The following DPP6 variants were observed in gnomAD, a reference collection of about 807,000 sequenced individuals.
DPP6 encodes dipeptidyl peptidase like 6, also known as A-type potassium channel modulatory protein DPP6.
A neutral mutation model predicts 122.6 loss-of-function variants in DPP6; 69 were observed. That is an observed-to-expected ratio of 0.56 (90% CI 0.46 to 0.69). DPP6 has a LOEUF of 0.69. Among genes scored for constraint, DPP6 ranks in the 30% least tolerant of loss-of-function variants. The probability of loss-of-function intolerance (pLI) is 0.00; values close to 1 mark genes in which losing one functional copy is unlikely to be tolerated. For missense variants in DPP6, 928 were observed against 1,116.9 expected, an observed-to-expected ratio of 0.83 and a Z score of 2.41; for synonymous variants, 418 against 433.1, an observed-to-expected ratio of 0.97 and a Z score of 0.43.
chr7:153,859,354 G>A, the DPP6 span, among the ~76,000 whole-genome samples: 12 of 152,276 alleles, frequency 7.9e-5, no homozygotes, highest in Non-Finnish European at 1.5e-4. Context: ...AGCTGGAGTC[G>A]GGAGGCTGGC....
At chr7:154,155,825 C>G (rs1304470547) in intron 1 of DPP6, among the ~76,000 whole-genome samples, 2 of 152,204 alleles carry the variant, frequency 1.3e-5, no homozygotes, top group African/African-American at 2.4e-5. Context: ...AACCTCAGCT[C>G]TCAGCCTCTG....
At chr7:154,376,910 T>C (rs1813176288) in intron 1 of DPP6, among the ~76,000 whole-genome samples, 1 of 152,216 alleles carries the variant, frequency 6.6e-6, no homozygotes, top group African/African-American at 2.4e-5. Context: ...TTTCCCAGCA[T>C]TTGGCTCTTG....
chr7:154,375,348 G>A lies in DPP6; in HGVS notation c.244-70866G>A, dbSNP rs141151311. ...AGGGGATGTTGGCCCGGGTGGAGGG[G>A]TAGGAAATGGAGTGAGGCAGGACCC... On this transcript the variant is annotated intron_variant, in intron 1 of 25. Transcript: ENST00000377770. 2.7e-3 allele frequency among the ~76,000 whole-genome samples: 411 copies of A among 152,238 alleles called. 1 individual carries two copies. Among genetic ancestry groups the A allele is most frequent in the Middle Eastern group, 6.8e-3 (2 of 294 alleles).
intron 1 of DPP6, among the ~76,000 whole-genome samples, chr7:154,043,494 G>C (rs1327144809): frequency 1.4e-5 from 2 of 138,630 alleles, no homozygotes; most frequent in Admixed American, 1.5e-4. Context: ...CCGAGGATCA[G>C]TATTATAACC....
At chr7:154,815,084 T>C (rs953082195) in intron 16 of DPP6, among the ~76,000 whole-genome samples, 2 of 152,200 alleles carry the variant, frequency 1.3e-5, no homozygotes, top group African/African-American at 4.8e-5. Flanking sequence ...TGCCTTCTTA[T>C]ATAAGAAAGA....
chr7:154,811,715 T>C (rs1204219854), intron 16 of DPP6, among the ~76,000 whole-genome samples: 2 of 152,234 alleles, frequency 1.3e-5, no homozygotes, highest in African/African-American at 4.8e-5. Flanking sequence ...TCAGTAGATA[T>C]TAAAATGGAC....
chr7:154,033,848 GTT>G (rs60726989), intron 1 of DPP6, among the ~76,000 whole-genome samples: 1 of 151,390 alleles, frequency 6.6e-6, no homozygotes, highest in South Asian at 2.1e-4. Context: ...AAGAACAAGT[GTT>G]TTTTTCTTAC....
chr7:154,124,333 G>A (rs1396846413), intron 1 of DPP6, among the ~76,000 whole-genome samples: 1 of 152,166 alleles, frequency 6.6e-6, no homozygotes, highest in Non-Finnish European at 1.5e-5. Context: ...AATGGGTGGA[G>A]AGCGGGAGCA....
chr7:154,600,517 C>T (rs1833367332), intron 5 of DPP6, among the ~76,000 whole-genome samples: 1 of 120,608 alleles, frequency 8.3e-6, no homozygotes, highest in Non-Finnish European at 1.9e-5. Context: ...GTGCCAGGCA[C>T]CATGTCAAAA....
chr7:153,933,431 A>G (rs1801268898), intron 1 of DPP6, among the ~76,000 whole-genome samples: 1 of 152,190 alleles, frequency 6.6e-6, no homozygotes, highest in South Asian at 2.1e-4. Flanking sequence ...GTTTATTTAT[A>G]ATAACTAGAA....
At chr7:153,811,402 A>G in the DPP6 span, among the ~76,000 whole-genome samples, 3 of 152,150 alleles carry the variant, frequency 2.0e-5, no homozygotes, top group Admixed American at 1.3e-4. Flanking sequence ...AGGCAGCCCA[A>G]TGAGAATTGG....
chr7:154,824,051 G>A (rs745498251), intron 16 of DPP6, among the ~76,000 whole-genome samples: 3 of 152,198 alleles, frequency 2.0e-5, no homozygotes, highest in Non-Finnish European at 4.4e-5. Flanking sequence ...TCAAGACAAA[G>A]TCAATTCCAT....
intron 8 of DPP6, among the ~76,000 whole-genome samples, chr7:154,757,930 G>T (rs2131497253): frequency 6.6e-6 from 1 of 152,298 alleles, no homozygotes; most frequent in Admixed American, 6.5e-5. Flanking sequence ...AGCCCAAGGA[G>T]GGGGTGCCTG....
chr7:154,892,935 C>T lies in DPP6; in HGVS notation c.*455C>T, dbSNP rs1195214936. 1 of 521,626 alleles carries T rather than the reference C, an allele frequency of 1.9e-6. No homozygotes were observed. The highest frequency in any genetic ancestry group is 1.9e-5 in the Admixed American group (1 of 51,652). 32.3% of individuals were successfully genotyped at this position (521,626 alleles called of 1,614,324 possible). The stretch of plus-strand genomic sequence containing the variant: ...TGCCATGGACGCAGCAGTTACAGCA[C>T]CATTGTTTTAGCAGTGCGTGTTCAT... On this transcript the variant is annotated 3_prime_UTR_variant, in exon 26 of 26. Coordinates refer to ENST00000377770, the MANE Select transcript of DPP6 (RefSeq NM_130797.4).
At chr7:154,239,506 AT>A (rs1201399479) in intron 1 of DPP6, among the ~76,000 whole-genome samples, 1 of 152,208 alleles carries the variant, frequency 6.6e-6, no homozygotes. Flanking sequence ...CTTCCTTAGG[AT>A]TTTTTAATAA....
At chr7:154,191,853 A>G (rs1410726412) in intron 1 of DPP6, among the ~76,000 whole-genome samples, 2 of 152,208 alleles carry the variant, frequency 1.3e-5, no homozygotes, top group African/African-American at 2.4e-5. Context: ...AGTTCTGGCT[A>G]TTAGCCACTG....
At position 154,362,403 on chromosome 7, in the gene DPP6, A is replaced by G. The variant is rs75020362; in HGVS notation, c.244-83811A>G. 5.8e-3 allele frequency among the ~76,000 whole-genome samples: 889 copies of G among 152,092 alleles called. 20 individuals carry two copies. Among genetic ancestry groups the G allele is most frequent in the East Asian group, 0.052 (267 of 5,156 alleles). ...CAAAGATACCACTGCCTCCCTAGCA[A>G]TAGAGTTTTTTGTTTGTTTTTTGCT... is the stretch of plus-strand genomic sequence containing the variant. On this transcript the variant is annotated intron_variant, in intron 1 of 25. Transcript: ENST00000377770.
rs1795448077 is a variant in DPP6, at chr7:154,760,240, T to C, written c.884-9177T>C. Among the ~76,000 whole-genome samples the C allele has an allele frequency of 6.6e-6, 1 of 152,308 alleles. No homozygotes were observed. The highest frequency in any genetic ancestry group is 3.4e-3 in the Middle Eastern group (1 of 294). Reference sequence around the variant, plus strand: ...GGAAAAGGATTCAGCAGGCGGATTCTGGGATTAGCAGGTGATTGGTGGAAG... The same window carrying C: ...GGAAAAGGATTCAGCAGGCGGATTCCGGGATTAGCAGGTGATTGGTGGAAG... On this transcript the variant is annotated intron_variant, in intron 8 of 25. Coordinates refer to ENST00000377770, the MANE Select transcript of DPP6 (RefSeq NM_130797.4). The surrounding 1 kb of genome is among the most constrained non-coding windows in gnomAD (Gnocchi z 4.5).
intron 1 of DPP6, among the ~76,000 whole-genome samples, chr7:154,407,680 A>C (rs187578866): frequency 2.0e-5 from 3 of 152,242 alleles, no homozygotes; most frequent in Admixed American, 2.0e-4. Flanking sequence ...CTTTAAAATA[A>C]AAGAAGACTT....
Sources: allele counts gnomAD v4.1 joint callset (sites outside exome capture counted in the v4.1 genomes callset), GRCh38; gene constraint gnomAD v4.1.1; non-coding constraint Gnocchi (gnomAD v3.1); transcripts MANE v1.5; gene names NCBI Gene and HGNC (gene_info 2026-07-23, HGNC 2026-07-21).